Variants in ZC3H3 observed in about 807,000 individuals in gnomAD.
ZC3H3 encodes the protein zinc finger CCCH domain-containing protein 3.
Under a neutral mutation model 77.3 loss-of-function variants are expected in ZC3H3, and 36 were observed. The ratio of observed to expected loss-of-function variants is 0.47; its 90% CI spans 0.36 to 0.61. The LOEUF (loss-of-function observed/expected upper bound fraction) is 0.61, where lower values mean the gene tolerates loss of function less well. Among genes scored for constraint, ZC3H3 ranks in the 20% least tolerant of loss-of-function variants. ZC3H3 has a pLI of 0.00. For synonymous variants in ZC3H3, 626 were observed against 555.2 expected (o/e 1.13, Z -1.79); for missense variants, 1,331 against 1,312.2 (o/e 1.01, Z -0.22).
At chr8:143,459,608 G>A (rs1280172919) in intron 9 of ZC3H3, among the ~76,000 whole-genome samples, 1 of 152,062 alleles carries the variant, frequency 6.6e-6, no homozygotes, top group Non-Finnish European at 1.5e-5. Flanking sequence ...ATGCAAGGAT[G>A]GTTTCATACA....
chr8:143,528,327 C>T (rs1001415748), intron 3 of ZC3H3, among the ~76,000 whole-genome samples: 2 of 152,218 alleles, frequency 1.3e-5, no homozygotes, highest in Admixed American at 1.3e-4. Flanking sequence ...GCGGCACTGC[C>T]GAGGCGCTGT....
chr8:143,538,628 G>C lies in ZC3H3; in HGVS notation c.739C>G (p.Leu247Val), dbSNP rs1392707656. The C allele has an allele frequency of 1.9e-6, 3 of 1,609,244 alleles. No homozygotes were observed. In the Admixed American group the frequency reaches 5.0e-5, roughly 27 times the overall value. ...PRTGVALGRK[L>V]GSHSVASCAP... Reference sequence around the variant, plus strand: ...CAGCTGGCCACGGAATGAGAACCCAGCTTCCGGCCCAGGGCCACGCCAGTG... The same window carrying C: ...CAGCTGGCCACGGAATGAGAACCCACCTTCCGGCCCAGGGCCACGCCAGTG... Residue 247 changes from leucine to valine, a missense_variant, in exon 2 of 12, where the codon CTG becomes GTG. Physicochemically the swap from Leu to Val is conservative, Grantham distance 32. Transcript: ENST00000262577.
At chr8:143,461,173 G>A (rs1225482964) in intron 9 of ZC3H3, among the ~76,000 whole-genome samples, 14 of 152,136 alleles carry the variant, frequency 9.2e-5, no homozygotes, top group Middle Eastern at 3.2e-3. Flanking sequence ...CACTAAAATG[G>A]GTGAATTATG....
chr8:143,498,096 C>T (rs1821405682), intron 4 of ZC3H3, among the ~76,000 whole-genome samples: 2 of 152,194 alleles, frequency 1.3e-5, no homozygotes, highest in South Asian at 2.1e-4. Context: ...GCAGGAACTG[C>T]CTGGGCCACG....
intron 9 of ZC3H3, among the ~76,000 whole-genome samples, chr8:143,456,962 CT>C (rs1820138803): frequency 6.6e-6 from 1 of 152,190 alleles, no homozygotes; most frequent in Admixed American, 6.5e-5. Context: ...GAAGCAATAA[CT>C]GTTAGCTATG....
At chr8:143,468,016 T>A (rs1820459022) in intron 8 of ZC3H3, among the ~76,000 whole-genome samples, 193 bp downstream of exon 8, 1 of 152,112 alleles carries the variant, frequency 6.6e-6, no homozygotes, top group African/African-American at 2.4e-5. Context: ...AGCGCTGCTT[T>A]CCGGGGAAGA....
intron 4 of ZC3H3, among the ~76,000 whole-genome samples, chr8:143,497,188 G>C: frequency 6.6e-6 from 1 of 152,338 alleles, no homozygotes; most frequent in Non-Finnish European, 1.5e-5. Flanking sequence ...AACGCAAGAA[G>C]CTAGTTAGGA....
At chr8:143,529,565 G>A (rs1285827504) in intron 3 of ZC3H3, among the ~76,000 whole-genome samples, 1 of 152,236 alleles carries the variant, frequency 6.6e-6, no homozygotes, top group Non-Finnish European at 1.5e-5. Context: ...CGAGAAGTCA[G>A]GAGGCAGCGT....
In ZC3H3 at chr8:143,466,556, A is replaced by G. The variant is rs1820413734; in HGVS notation, c.2176-708T>C. Among the ~76,000 whole-genome samples, 7 of 152,286 alleles carry G rather than the reference A, an allele frequency of 4.6e-5. No homozygotes were observed. In the South Asian group the frequency reaches 1.5e-3, roughly 32 times the overall value. ...ATTTGGGGGAACCTCAGGCCTAAGG[A>G]GCAATGGCTGGGCTAGGGCCACCCA... On this transcript the variant is annotated intron_variant, in intron 8 of 11. Transcript: ENST00000262577.
rs768407761 is a variant in ZC3H3, at chr8:143,440,288, T to C, written c.2568A>G (p.Ala856=). 3.6e-5 allele frequency: 57 copies of C among 1,571,422 alleles called. No individual in the cohort carries two copies. Among genetic ancestry groups the C allele is most frequent in the Non-Finnish European group, 4.8e-5 (55 of 1,156,256 alleles). The part of the protein sequence containing the change: ...SAALTAAAVA[A]PPHCPGGSAS... Reference sequence around the variant, plus strand: ...CTGACCCCCCTGGGCAGTGGGGAGGTGCAGCCACGGCAGCCGCAGTGAGGG... The same window carrying C: ...CTGACCCCCCTGGGCAGTGGGGAGGCGCAGCCACGGCAGCCGCAGTGAGGG... The change falls in exon 11 of 12, where the codon GCA becomes GCG. Residue 856 remains alanine (A), a synonymous_variant. Transcript: ENST00000262577.
chr8:143,459,929 T>C (rs1254126022), intron 9 of ZC3H3, among the ~76,000 whole-genome samples: 1 of 152,166 alleles, frequency 6.6e-6, no homozygotes, highest in African/African-American at 2.4e-5. Context: ...ACAGTTGCCA[T>C]TTTAATTCAA....
intron 4 of ZC3H3, among the ~76,000 whole-genome samples, chr8:143,490,673 G>C (rs1821176320): frequency 6.6e-6 from 1 of 152,220 alleles, no homozygotes; most frequent in Admixed American, 6.5e-5. Context: ...CCAGCACTTT[G>C]GGAGGCCAAG....
chr8:143,514,914 C>T (rs1420651361), intron 3 of ZC3H3, among the ~76,000 whole-genome samples: 1 of 152,242 alleles, frequency 6.6e-6, no homozygotes, highest in Non-Finnish European at 1.5e-5. Context: ...GGCCCATGTG[C>T]GGCTAGGCCC....
rs144112744 is a variant in ZC3H3, at chr8:143,536,286, G to A, written c.1532C>T (p.Pro511Leu). ...CTTGGTGGGGAGGTGGGCCCGGCTCGGTGGCAGGCGACATAGTCGGTGCGT... is the reference window on the plus strand; with the variant it reads ...CTTGGTGGGGAGGTGGGCCCGGCTCAGTGGCAGGCGACATAGTCGGTGCGT... The part of the protein sequence containing the change: ...VTTHRLCRLP[P>L]SRAHLPTKEA... The change falls in exon 3 of 12, where the codon CCG (proline) becomes CTG (leucine). Residue 511 changes from proline to leucine, a missense_variant. Pro to Leu is a moderately conservative substitution (Grantham distance 98, BLOSUM62 -3). Coordinates refer to ENST00000262577, the MANE Select transcript of ZC3H3 (RefSeq NM_015117.3). 4.4e-5 allele frequency: 71 copies of A among 1,611,826 alleles called. No homozygotes were observed. The African/African-American group carries it at 5.2e-4, about 12-fold the overall frequency.
chr8:143,452,139 T>G (rs577980139), intron 9 of ZC3H3, among the ~76,000 whole-genome samples: 2 of 152,306 alleles, frequency 1.3e-5, no homozygotes, highest in South Asian at 2.1e-4. Flanking sequence ...CCCAGCCAGA[T>G]CAGCAAAGGC....
intron 5 of ZC3H3, 23 bp downstream of exon 5, chr8:143,475,375 G>C (rs1205980180): frequency 6.2e-7 from 1 of 1,600,088 alleles, no homozygotes; most frequent in African/African-American, 1.3e-5. Flanking sequence ...TCATCTCCCA[G>C]CGCCCCCGCC....
intron 3 of ZC3H3, among the ~76,000 whole-genome samples, chr8:143,508,342 G>A (rs1821771181): frequency 6.6e-6 from 1 of 152,212 alleles, no homozygotes; most frequent in Admixed American, 6.5e-5. Flanking sequence ...GGGGCTGGGA[G>A]GCTCCTGGCC....
At chr8:143,524,807 C>G (rs1054406208) in intron 3 of ZC3H3, among the ~76,000 whole-genome samples, 1 of 152,258 alleles carries the variant, frequency 6.6e-6, no homozygotes, top group Non-Finnish European at 1.5e-5. Context: ...CAAGACCCCA[C>G]AGCAGGGCAC....
rs185091909 is a variant in ZC3H3 at position 143,462,840 on chromosome 8, G to A, written c.2307+2877C>T. Among the ~76,000 whole-genome samples the A allele has an allele frequency of 2.8e-4, 42 of 152,328 alleles. No individual in the cohort carries two copies. The East Asian group carries it at 6.0e-3, about 22-fold the overall frequency. On this transcript the variant is annotated intron_variant, in intron 9 of 11. Transcript: ENST00000262577. The surrounding 1 kb of genome is among the most constrained non-coding windows in gnomAD (Gnocchi z 4.7). ...CTCCCCAGCCCTGTGCACTGGGGGC[G>A]CTGGCAGCAGCCAACACCCTAGCTG...
Sources: gnomAD v4.1 joint callset for allele counts (sites outside exome capture counted in the v4.1 genomes callset) on GRCh38, gnomAD v4.1.1 for gene constraint, Gnocchi (gnomAD v3.1) non-coding constraint, MANE v1.5 for transcripts, NCBI Gene and HGNC (gene_info 2026-07-23, HGNC 2026-07-21) for gene names.